The following MMP16 variants were observed in gnomAD, a reference collection of about 807,000 sequenced individuals.
MMP16 encodes the protein matrix metallopeptidase 16, also known as matrix metalloproteinase-16.
In MMP16, 12 loss-of-function variants were observed where a neutral mutation model predicts 67.8. The observed-to-expected ratio is 0.18, with a 90% confidence interval of 0.11 to 0.29. MMP16 has a LOEUF of 0.29. Among genes scored for constraint, MMP16 ranks in the 10% least tolerant of loss-of-function variants. The pLI is 1.00. For missense variants in MMP16, 475 were observed against 765.7 expected (o/e 0.62, Z 4.48); for synonymous variants, 249 against 255.9 (o/e 0.97, Z 0.26).
intron 1 of MMP16, among the ~76,000 whole-genome samples, chr8:88,293,280 T>C (rs1262732415): frequency 6.6e-6 from 1 of 152,160 alleles, no homozygotes; most frequent in Admixed American, 6.5e-5. Flanking sequence ...ATTACCTATT[T>C]AGCTGAGAGT....
intron 1 of MMP16, among the ~76,000 whole-genome samples, chr8:88,313,062 T>G (rs1356118830): frequency 6.6e-6 from 1 of 152,244 alleles, no homozygotes; most frequent in Non-Finnish European, 1.5e-5. Flanking sequence ...TTTAATGGGC[T>G]TTGTTCACTC....
intron 6 of MMP16, among the ~76,000 whole-genome samples, chr8:88,080,468 C>T (rs894699723): frequency 4.6e-5 from 7 of 152,084 alleles, no homozygotes; most frequent in African/African-American, 1.7e-4. Context: ...CAGAGTCTTG[C>T]TCTGTTGCCC....
At chr8:88,109,144 T>C (rs1305863136) in intron 6 of MMP16, among the ~76,000 whole-genome samples, 2 of 151,354 alleles carry the variant, frequency 1.3e-5, no homozygotes, top group Non-Finnish European at 3.0e-5. Context: ...CAGGTTCTTC[T>C]AGTTAAGTGT....
rs969581570 is a variant in MMP16 at position 88,186,414 on chromosome 8, G to T, written c.404+62C>A. On this transcript the variant is annotated intron_variant, in intron 3 of 9. Coordinates refer to ENST00000286614, the MANE Select transcript of MMP16 (RefSeq NM_005941.5). ...CAACGTGCAGAAGATACTAAACTAT[G>T]TGTCAAAACAAATAGTAATGAAATA... 21 of 1,585,936 alleles carry T rather than the reference G, an allele frequency of 1.3e-5. No homozygotes were observed. The African/African-American group carries it at 2.6e-4, about 19-fold the overall frequency.
intron 1 of MMP16, 69 bp from the exon 2 acceptor site, chr8:88,197,375 G>A: frequency 2.2e-6 from 3 of 1,343,122 alleles, no homozygotes; most frequent in African/African-American, 1.5e-5. Flanking sequence ...GGTAATTAAT[G>A]TATATCTATA....
chr8:88,041,823 G>A lies in MMP16; in HGVS notation c.1490-28C>T, dbSNP rs1328218494. ...AGGGGGAAAAACATACACACACACA[G>A]GTACCACTTATTTGTGACAGTGTAT... On this transcript the variant is annotated intron_variant, in intron 9 of 9. Coordinates refer to ENST00000286614, the MANE Select transcript of MMP16 (RefSeq NM_005941.5). This position sits in a 1 kb window ranked among gnomAD's most constrained non-coding sequence, Gnocchi z 6.0. The A allele has an allele frequency of 1.3e-6, 2 of 1,484,576 alleles. No homozygotes were observed. The highest frequency in any genetic ancestry group is 4.5e-5 in the East Asian group (2 of 44,006). 92.0% of individuals were successfully genotyped at this position (1,484,576 alleles called of 1,614,324 possible).
chr8:88,202,344 A>G (rs2129794366), intron 1 of MMP16, among the ~76,000 whole-genome samples: 1 of 152,312 alleles, frequency 6.6e-6, no homozygotes, highest in East Asian at 1.9e-4. Context: ...CAGGAAACTC[A>G]TTTATGATAG....
At chr8:88,176,773 C>T (rs1038516579) in intron 3 of MMP16, among the ~76,000 whole-genome samples, 3 of 152,106 alleles carry the variant, frequency 2.0e-5, no homozygotes, top group East Asian at 1.9e-4. Context: ...GTATTACTGG[C>T]CTATTAATCT....
intron 1 of MMP16, among the ~76,000 whole-genome samples, chr8:88,284,387 T>G (rs1173062232): frequency 6.6e-6 from 1 of 152,134 alleles, no homozygotes; most frequent in Non-Finnish European, 1.5e-5. Flanking sequence ...ATTGTTTAGT[T>G]AGAAAGGATC....
At chr8:88,166,742 AT>A (rs1239852816) in intron 4 of MMP16, among the ~76,000 whole-genome samples, 4 of 110,470 alleles carry the variant, frequency 3.6e-5, no homozygotes, top group African/African-American at 9.6e-5. Flanking sequence ...CTTAATTTTA[AT>A]TTTTTTTAAA....
chr8:88,098,087 G>C (rs972985337), intron 6 of MMP16, among the ~76,000 whole-genome samples: 2 of 151,866 alleles, frequency 1.3e-5, no homozygotes, highest in African/African-American at 4.8e-5. Context: ...ATAATTTCCT[G>C]GAATGACCCA....
intron 1 of MMP16, among the ~76,000 whole-genome samples, chr8:88,259,406 G>A (rs1475205712): frequency 1.3e-5 from 2 of 152,098 alleles, no homozygotes; most frequent in Admixed American, 6.6e-5. Context: ...TGCACTGTGT[G>A]TGTTATTTAA....
chr8:88,036,398 C>T lies in MMP16; in HGVS notation c.*5063G>A, dbSNP rs552996132. On this transcript the variant is annotated 3_prime_UTR_variant, in exon 10 of 10. Coordinates refer to ENST00000286614, the MANE Select transcript of MMP16 (RefSeq NM_005941.5). ...AACAAAAGACTCATTTTTCCTCCTC[C>T]ATTTCCATCATATTATATAAATATG... The T allele has an allele frequency of 6.6e-6, 1 of 151,846 alleles. No homozygotes were observed. Among genetic ancestry groups the T allele is most frequent in the East Asian group, 1.9e-4 (1 of 5,160 alleles). The allele number at this position is 151,846 out of a possible 1,614,324, so 9.4% of individuals were successfully genotyped here.
At chr8:88,207,464 G>C (rs756921623) in intron 1 of MMP16, among the ~76,000 whole-genome samples, 3 of 152,098 alleles carry the variant, frequency 2.0e-5, no homozygotes, top group Admixed American at 6.6e-5. Context: ...CAGTTCTCAC[G>C]TATTTTTATT....
chr8:88,273,227 G>T (rs147849836), intron 1 of MMP16, among the ~76,000 whole-genome samples: 31 of 149,090 alleles, frequency 2.1e-4, no homozygotes, highest in Admixed American at 4.0e-4. Context: ...TGGGGCTACA[G>T]GCACGTGCCA....
chr8:88,185,627 C>T (rs1009240682), intron 3 of MMP16, among the ~76,000 whole-genome samples: 3 of 152,044 alleles, frequency 2.0e-5, no homozygotes, highest in African/African-American at 7.2e-5. Flanking sequence ...CAGATGATTC[C>T]TGACATTCTA....
At chr8:88,185,084 T>C (rs1358833760) in intron 3 of MMP16, among the ~76,000 whole-genome samples, 1 of 152,100 alleles carries the variant, frequency 6.6e-6, no homozygotes, top group Non-Finnish European at 1.5e-5. Context: ...TCTGCAGAAA[T>C]AATTAAAGTA....
intron 4 of MMP16, among the ~76,000 whole-genome samples, chr8:88,119,351 C>A (rs1328433861): frequency 2.0e-5 from 3 of 151,870 alleles, no homozygotes; most frequent in Non-Finnish European, 1.5e-5. Context: ...GATTGGGACT[C>A]AAGATATTTT....
chr8:88,293,755 C>T (rs997607830), intron 1 of MMP16, among the ~76,000 whole-genome samples: 4 of 151,982 alleles, frequency 2.6e-5, no homozygotes, highest in Admixed American at 1.3e-4. Flanking sequence ...TTTTCCAAGA[C>T]GGCATTGTAT....
Sources: allele counts gnomAD v4.1 joint callset (sites outside exome capture counted in the v4.1 genomes callset), GRCh38; gene constraint gnomAD v4.1.1; non-coding constraint Gnocchi (gnomAD v3.1); transcripts MANE v1.5; gene names NCBI Gene and HGNC (gene_info 2026-07-23, HGNC 2026-07-21).